The following PTPRN2 variants were observed in gnomAD, a reference collection of about 807,000 sequenced individuals.
PTPRN2 encodes protein tyrosine phosphatase receptor type N2, also known as receptor-type tyrosine-protein phosphatase N2.
In PTPRN2, 74 loss-of-function variants were observed where a neutral mutation model predicts 118.8. The ratio of observed to expected loss-of-function variants is 0.62; its 90% CI spans 0.52 to 0.76. The LOEUF is 0.76. PTPRN2 is among the 30% of genes least tolerant of loss of function. The pLI is 0.00. For synonymous variants in PTPRN2, 641 were observed against 608.0 expected (o/e 1.05, Z -0.80); for missense variants, 1,481 against 1,394.4 (o/e 1.06, Z -0.99).
At chr7:157,564,157 G>A (rs1373723281) in intron 21 of PTPRN2, among the ~76,000 whole-genome samples, 3 of 152,168 alleles carry the variant, frequency 2.0e-5, no homozygotes, top group African/African-American at 4.8e-5. Context: ...TTGAGATGGA[G>A]TTTCTTTCTT....
At chr7:157,580,503 C>CCCA (rs1800294588) in intron 17 of PTPRN2, among the ~76,000 whole-genome samples, 1 of 148,524 alleles carries the variant, frequency 6.7e-6, no homozygotes, top group Admixed American at 6.7e-5. Context: ...ACCTGCACAC[C>CCCA]GTGGCACCTG....
At chr7:158,469,848 A>G (rs1819718527) in intron 2 of PTPRN2, among the ~76,000 whole-genome samples, 1 of 152,032 alleles carries the variant, frequency 6.6e-6, no homozygotes, top group South Asian at 2.1e-4. Context: ...GGCTGTCGCC[A>G]TAACAGGAGC....
intron 12 of PTPRN2, among the ~76,000 whole-genome samples, chr7:157,740,636 G>A (rs1377925597): frequency 1.3e-5 from 2 of 152,252 alleles, no homozygotes; most frequent in African/African-American, 2.4e-5. Flanking sequence ...TCTTTCCCCA[G>A]AGAGGGCTCC....
chr7:158,056,212 A>G (rs59224771), intron 11 of PTPRN2, among the ~76,000 whole-genome samples: 16,342 of 152,164 alleles, frequency 0.11, 2,237 homozygotes, highest in African/African-American at 0.32. Flanking sequence ...CACCTCTGCC[A>G]AGGAGTGTTA....
intron 2 of PTPRN2, among the ~76,000 whole-genome samples, chr7:158,390,910 G>C (rs963308887): frequency 6.6e-6 from 1 of 152,146 alleles, no homozygotes; most frequent in Non-Finnish European, 1.5e-5. Flanking sequence ...CACGGGTGCC[G>C]CGTCACATGC....
At chr7:158,336,502 C>T (rs1339664689) in intron 2 of PTPRN2, among the ~76,000 whole-genome samples, 7 of 133,414 alleles carry the variant, frequency 5.2e-5, no homozygotes. Context: ...GCAGATGTCA[C>T]TCACACCCAC....
chr7:157,896,355 C>A lies in PTPRN2; in HGVS notation c.1788+2318G>T, dbSNP rs192832034. 5.3e-5 allele frequency among the ~76,000 whole-genome samples: 8 copies of A among 152,318 alleles called. No homozygotes were observed. In the East Asian group the frequency reaches 1.2e-3, roughly 22 times the overall value. On this transcript the variant is annotated intron_variant, in intron 12 of 22. Transcript: ENST00000389418. ...AGGAGCTGGGAGGCTGAAGCCACAG[C>A]GACCAGGCCCTGTGGCTCCTCCAGC... is the stretch of plus-strand genomic sequence containing the variant.
At chr7:158,388,712 G>C (rs1168118115) in intron 2 of PTPRN2, among the ~76,000 whole-genome samples, 1 of 152,150 alleles carries the variant, frequency 6.6e-6, no homozygotes, top group Non-Finnish European at 1.5e-5. Flanking sequence ...GGGCCTGAAA[G>C]GCCCAACCAT....
intron 12 of PTPRN2, among the ~76,000 whole-genome samples, chr7:157,782,718 C>T (rs189619147): frequency 2.6e-5 from 4 of 152,332 alleles, no homozygotes; most frequent in South Asian, 2.1e-4. Context: ...CACACAGCAT[C>T]GCATCAACAT....
chr7:157,623,099 A>G (rs937403650), intron 14 of PTPRN2, among the ~76,000 whole-genome samples: 4 of 152,270 alleles, frequency 2.6e-5, no homozygotes, highest in African/African-American at 9.6e-5. Context: ...GGCTCAATCT[A>G]GGAAATGCTA....
chr7:158,204,034 C>T (rs1232611122), intron 4 of PTPRN2, among the ~76,000 whole-genome samples: 1 of 149,724 alleles, frequency 6.7e-6, no homozygotes, highest in Non-Finnish European at 1.5e-5. Context: ...CAGCGTGAGC[C>T]GCGTTCTGGG....
At chr7:157,802,300 G>A (rs1805362776) in intron 12 of PTPRN2, among the ~76,000 whole-genome samples, 1 of 152,200 alleles carries the variant, frequency 6.6e-6, no homozygotes, top group Non-Finnish European at 1.5e-5. Context: ...GCGTTCAATT[G>A]TCATAGATTC....
At chr7:157,897,869 G>A (rs1797221715) in intron 12 of PTPRN2, among the ~76,000 whole-genome samples, 1 of 152,276 alleles carries the variant, frequency 6.6e-6, no homozygotes, top group African/African-American at 2.4e-5. Flanking sequence ...CTCTAATGGC[G>A]AGCGCTGTGA....
intron 12 of PTPRN2, among the ~76,000 whole-genome samples, chr7:157,720,072 A>G (rs1161813548): frequency 6.6e-6 from 1 of 152,188 alleles, no homozygotes; most frequent in Non-Finnish European, 1.5e-5. Flanking sequence ...TTCCTTTGGA[A>G]TTTAGGGGAA....
intron 6 of PTPRN2, among the ~76,000 whole-genome samples, chr7:158,146,158 C>A (rs923909066): frequency 1.3e-5 from 2 of 152,158 alleles, no homozygotes; most frequent in Admixed American, 6.5e-5. Flanking sequence ...AAGTGAGGAA[C>A]ACAGTCAGAG....
intron 3 of PTPRN2, among the ~76,000 whole-genome samples, chr7:158,241,396 C>A (rs1311879099): frequency 6.6e-6 from 1 of 152,084 alleles, no homozygotes; most frequent in African/African-American, 2.4e-5. Context: ...TGCCTGTAAT[C>A]CCAGCTACCC....
intron 11 of PTPRN2, among the ~76,000 whole-genome samples, chr7:157,934,478 C>T (rs578090003): frequency 1.5e-4 from 23 of 152,322 alleles, no homozygotes; most frequent in African/African-American, 5.1e-4. Context: ...ACTGGCACAT[C>T]GGCTCACCTC....
At chr7:157,682,235 G>A (rs1398848652) in intron 13 of PTPRN2, among the ~76,000 whole-genome samples, 1 of 152,088 alleles carries the variant, frequency 6.6e-6, no homozygotes, top group Non-Finnish European at 1.5e-5. Flanking sequence ...GACGCGTGTG[G>A]GTCACCTTCC....
Position 157,794,420 on chromosome 7 carries a change from G to C in PTPRN2, c.1788+104253C>G, listed in dbSNP as rs1427828370. ...TGCGGTGACCAATTATAGCGTCGAC[G>C]ATGGCAGCTTCCCTCTGAAAGCCCA... is the stretch of plus-strand genomic sequence containing the variant. On this transcript the variant is annotated intron_variant, in intron 12 of 22. Transcript: ENST00000389418. The surrounding 1 kb of genome is among the most constrained non-coding windows in gnomAD (Gnocchi z 5.2). Among the ~76,000 whole-genome samples the C allele has an allele frequency of 6.6e-6, 1 of 152,194 alleles. No individual in the cohort carries two copies. The highest frequency in any genetic ancestry group is 2.4e-5 in the African/African-American group (1 of 41,454).
Sources: gnomAD v4.1 joint callset for allele counts (sites outside exome capture counted in the v4.1 genomes callset) on GRCh38, gnomAD v4.1.1 for gene constraint, Gnocchi (gnomAD v3.1) non-coding constraint, MANE v1.5 for transcripts, NCBI Gene and HGNC (gene_info 2026-07-23, HGNC 2026-07-21) for gene names.